The following GRAMD4 variants were observed in gnomAD, a reference collection of about 807,000 sequenced individuals.
GRAMD4 encodes GRAM domain-containing protein 4.
A neutral mutation model predicts 83.9 loss-of-function variants in GRAMD4; 25 were observed. The observed-to-expected ratio is 0.30, with a 90% CI of 0.22 to 0.42. The LOEUF is 0.42. GRAMD4 is among the 10% of genes least tolerant of loss of function. The pLI, the probability that GRAMD4 is intolerant of heterozygous loss-of-function variation, is 1.00. For synonymous variants in GRAMD4, 336 were observed against 320.9 expected (o/e 1.05, Z -0.50); for missense variants, 593 against 788.7 (o/e 0.75, Z 2.97).
chr22:46,637,984 GGGGAT>G (rs1183825858), intron 3 of GRAMD4, 24 bp downstream of exon 3: 1 of 1,610,938 alleles, frequency 6.2e-7, no homozygotes, highest in Non-Finnish European at 8.5e-7. Flanking sequence ...AGCGCTTGGA[GGGGAT>G]GGGACAAGGT....
intron 1 of GRAMD4, among the ~76,000 whole-genome samples, chr22:46,625,902 C>T (rs529105159): frequency 1.2e-4 from 18 of 152,246 alleles, no homozygotes; most frequent in African/African-American, 3.9e-4. Context: ...TGTCCTGATG[C>T]AGCACACAGT....
intron 2 of GRAMD4, among the ~76,000 whole-genome samples, chr22:46,637,425 C>T (rs1213221574): frequency 2.6e-5 from 4 of 152,020 alleles, no homozygotes; most frequent in East Asian, 3.9e-4. Context: ...GCTAATTTTT[C>T]GTATTTTTTA....
rs1235942943 is a variant in GRAMD4 at position 46,614,983 on chromosome 22, A to G, written c.-49-11768A>G. On this transcript the variant is annotated intron_variant, in intron 1 of 1. Coordinates refer to the GRAMD4 transcript ENST00000431155. Reference sequence around the variant, plus strand: ...CCCCCGTGTGTAGGTTCCCTTGTGCATGTAGGTTCCCCCGTGTGTAGGTTC... The same window carrying G: ...CCCCCGTGTGTAGGTTCCCTTGTGCGTGTAGGTTCCCCCGTGTGTAGGTTC... 2.7e-3 allele frequency among the ~76,000 whole-genome samples: 132 copies of G among 48,518 alleles called. No homozygotes were observed. In the Middle Eastern group the frequency reaches 0.048, roughly 18 times the overall value. 31.8% of individuals were successfully genotyped at this position (48,518 alleles called of 152,430 possible).
intron 13 of GRAMD4, among the ~76,000 whole-genome samples, chr22:46,669,464 C>T (rs573208653): frequency 1.2e-4 from 18 of 152,204 alleles, no homozygotes; most frequent in Admixed American, 2.6e-4. Flanking sequence ...CCCCAGGAGG[C>T]GCTCATCCAC....
At chr22:46,597,305 T>G (rs759634323) in intron 1 of GRAMD4, among the ~76,000 whole-genome samples, 17 of 152,106 alleles carry the variant, frequency 1.1e-4, no homozygotes, top group Non-Finnish European at 1.9e-4. Flanking sequence ...TTTAGGAGGT[T>G]AGGTTCCCCC....
intron 1 of GRAMD4, among the ~76,000 whole-genome samples, chr22:46,611,143 G>A (rs890724104): frequency 9.2e-5 from 14 of 151,624 alleles, no homozygotes; most frequent in Non-Finnish European, 1.9e-4. Context: ...TTGAACCCGG[G>A]AGACAGAGGT....
chr22:46,653,105 T>C (rs2082191081), intron 3 of GRAMD4, among the ~76,000 whole-genome samples: 2 of 152,230 alleles, frequency 1.3e-5, no homozygotes, highest in African/African-American at 4.8e-5. Context: ...TTTACTTAGC[T>C]GTCTTTGTAC....
intron 13 of GRAMD4, among the ~76,000 whole-genome samples, chr22:46,670,595 G>A (rs957133396): frequency 2.0e-5 from 3 of 152,170 alleles, no homozygotes; most frequent in Non-Finnish European, 2.9e-5. Context: ...TTGGTGTCCT[G>A]CATCTGCCCT....
At chr22:46,598,413 A>G (rs2081282364) in intron 1 of GRAMD4, among the ~76,000 whole-genome samples, 1 of 152,036 alleles carries the variant, frequency 6.6e-6, no homozygotes, top group Admixed American at 6.6e-5. Flanking sequence ...TGGACTGGTT[A>G]TTTGCACCTC....
rs148164220 is a variant in GRAMD4 at position 46,601,154 on chromosome 22, AAAAT to A, written c.-50+23865_-50+23868del. The stretch of plus-strand genomic sequence containing the variant: ...GCGAGACTCTGTCTCAAAGAAAAAA[AAAAT>A]CACTACTTAAAAAAAGAATTAGTGA... On this transcript the variant is annotated intron_variant, in intron 1 of 1. Coordinates refer to the GRAMD4 transcript ENST00000431155. Among the ~76,000 whole-genome samples the A allele has an allele frequency of 9.6e-3, 1,460 of 151,748 alleles. 27 individuals carry two copies. The highest frequency in any genetic ancestry group is 0.033 in the African/African-American group (1,374 of 41,362).
Position 46,677,727 on chromosome 22 carries a change from G to A in GRAMD4, c.*476G>A. The stretch of plus-strand genomic sequence containing the variant: ...GGACAGAAAGATGTCGTCAAGGAGG[G>A]ACATGGGGGCCTTTCACCAACCACC... On this transcript the variant is annotated 3_prime_UTR_variant, in exon 19 of 19. Coordinates refer to ENST00000406902, the MANE Select transcript of GRAMD4 (RefSeq NM_015124.5). 6.1e-6 allele frequency: 6 copies of A among 986,332 alleles called. No homozygotes were observed. Among genetic ancestry groups the A allele is most frequent in the African/African-American group, 1.7e-5 (1 of 57,368 alleles). The allele number at this position is 986,332 out of a possible 1,614,324, so 61.1% of individuals were successfully genotyped here. A position where few individuals can be genotyped will look rare whatever the true frequency, so the allele number is the denominator to read the frequency against.
chr22:46,678,837 G>A lies in GRAMD4; in HGVS notation c.*1586G>A. The A allele has an allele frequency of 1.0e-6, 1 of 986,144 alleles. No individual in the cohort carries two copies. The highest frequency in any genetic ancestry group is 1.2e-6 in the Non-Finnish European group (1 of 830,076). 61.1% of individuals were successfully genotyped at this position (986,144 alleles called of 1,614,324 possible). On this transcript the variant is annotated 3_prime_UTR_variant, in exon 19 of 19. Coordinates refer to ENST00000406902, the MANE Select transcript of GRAMD4 (RefSeq NM_015124.5). Reference sequence around the variant, plus strand: ...CGCTGGTGCCGGGGGTGCTTTGGGGGGAGCTGCGCCGATCACCAGATTAAG... The same window carrying A: ...CGCTGGTGCCGGGGGTGCTTTGGGGAGAGCTGCGCCGATCACCAGATTAAG...
At position 46,586,714 on chromosome 22, in the gene GRAMD4, ATGAGT is replaced by A. The variant is rs568896252; in HGVS notation, c.-50+9427_-50+9431del. Among the ~76,000 whole-genome samples the A allele has an allele frequency of 5.3e-5, 8 of 152,334 alleles. No homozygotes were observed. In the South Asian group the frequency reaches 1.7e-3, roughly 32 times the overall value. Reference sequence around the variant, plus strand: ...GACTGGCTGCTGTCCCTGCTGGGACATGAGTTGGGGGGAACCCCTACCTGTCTGCT... The same window carrying A: ...GACTGGCTGCTGTCCCTGCTGGGACATGGGGGGAACCCCTACCTGTCTGCT... On this transcript the variant is annotated intron_variant, in intron 1 of 1. Transcript: ENST00000431155.
intron 1 of GRAMD4, among the ~76,000 whole-genome samples, chr22:46,610,572 G>A (rs1454395311): frequency 6.6e-6 from 1 of 152,178 alleles, no homozygotes; most frequent in Non-Finnish European, 1.5e-5. Flanking sequence ...GCCGCTCCCT[G>A]TGCCTTCGCG....
chr22:46,651,373 C>T (rs977736322), intron 3 of GRAMD4, among the ~76,000 whole-genome samples: 12 of 152,228 alleles, frequency 7.9e-5, no homozygotes, highest in Non-Finnish European at 1.2e-4. Context: ...GAAACAGTGC[C>T]ATGGGATCTG....
intron 10 of GRAMD4, 119 bp downstream of exon 10, chr22:46,666,992 T>A (rs1957212829): frequency 8.6e-6 from 6 of 694,352 alleles, no homozygotes; most frequent in Non-Finnish European, 1.4e-5. Flanking sequence ...CCCCCTGGAG[T>A]CCTGGCCTGG....
At chr22:46,586,797 T>C (rs1602293948) in intron 1 of GRAMD4, among the ~76,000 whole-genome samples, 1 of 151,810 alleles carries the variant, frequency 6.6e-6, no homozygotes, top group East Asian at 1.9e-4. Flanking sequence ...GCCTGCAGGG[T>C]CCTCTGTCTT....
At position 46,621,138 on chromosome 22, in the gene GRAMD4, G is replaced by A. The variant is rs1227120536; in HGVS notation, c.-50+573G>A. ...GCAGGGGCCGTCTGGTTGGGGATGC[G>A]CGGCTGCAGCACGCAGGACGGAAGG... On this transcript the variant is annotated intron_variant, in intron 1 of 18. Transcript: ENST00000406902. The surrounding 1 kb of genome is among the most constrained non-coding windows in gnomAD (Gnocchi z 5.8). 6.6e-6 allele frequency among the ~76,000 whole-genome samples: 1 copy of A among 152,252 alleles called. No homozygotes were observed. Among genetic ancestry groups the A allele is most frequent in the African/African-American group, 2.4e-5 (1 of 41,540 alleles).
At chr22:46,584,400 C>T (rs2081127770) in intron 1 of GRAMD4, among the ~76,000 whole-genome samples, 1 of 152,194 alleles carries the variant, frequency 6.6e-6, no homozygotes, top group Admixed American at 6.5e-5. Flanking sequence ...GTGTAGCCTC[C>T]TGTACCTGTA....
Sources: gnomAD v4.1 joint callset for allele counts (sites outside exome capture counted in the v4.1 genomes callset) on GRCh38, gnomAD v4.1.1 for gene constraint, Gnocchi (gnomAD v3.1) non-coding constraint, MANE v1.5 for transcripts, NCBI Gene and HGNC (gene_info 2026-07-23, HGNC 2026-07-21) for gene names.